PAICS: variants seen among roughly 807,000 people sequenced by gnomAD.
PAICS encodes bifunctional phosphoribosylaminoimidazole carboxylase/phosphoribosylaminoimidazole succinocarboxamide synthetase.
In PAICS, 33 loss-of-function variants were observed where a neutral mutation model predicts 53.7. That is an observed-to-expected ratio of 0.61 (90% CI 0.47 to 0.82). PAICS has a LOEUF of 0.82. Ranked by LOEUF, PAICS falls within the 40% of genes least tolerant of loss-of-function variation. The pLI is 0.00. For synonymous variants in PAICS, 141 were observed against 167.2 expected, an observed-to-expected ratio of 0.84 and a Z score of 1.21; for missense variants, 394 against 494.1, an observed-to-expected ratio of 0.80 and a Z score of 1.92.
At chr4:56,425,546 T>C in the PAICS span, 2 of 180,708 alleles carry the variant, frequency 1.1e-5, no homozygotes, top group African/African-American at 4.8e-5. Context: ...TTAATAAACT[T>C]TTAAGAAGCT....
chr4:56,446,238 T>C (rs1718609018), intron 2 of PAICS: 3 of 602,630 alleles, frequency 5.0e-6, no homozygotes, highest in African/African-American at 3.6e-5. Context: ...CATTATCCAT[T>C]TCCAGAACTT....
At chr4:56,413,973 T>A in the PAICS span, among the ~76,000 whole-genome samples, 1 of 152,228 alleles carries the variant, frequency 6.6e-6, no homozygotes. Context: ...ATATACAAAT[T>A]GGTAACTTTT....
intron 8 of PAICS, among the ~76,000 whole-genome samples, chr4:56,457,560 A>G (rs1169563176): frequency 6.6e-6 from 1 of 151,978 alleles, no homozygotes; most frequent in Non-Finnish European, 1.5e-5. Context: ...TTCCCTTCCA[A>G]AGGTATCTGG....
At chr4:56,420,463 T>G in the PAICS span, 1 of 152,222 alleles carries the variant, frequency 6.6e-6, no homozygotes, top group Non-Finnish European at 1.5e-5. Flanking sequence ...GAATATTATA[T>G]ATGTAAGTTA....
At chr4:56,444,758 T>A (rs7694047) in intron 2 of PAICS, among the ~76,000 whole-genome samples, 1 of 151,866 alleles carries the variant, frequency 6.6e-6, no homozygotes, top group African/African-American at 2.4e-5. Flanking sequence ...AGATGATTAC[T>A]GTAGCTTCAT....
intron 5 of PAICS, among the ~76,000 whole-genome samples, chr4:56,450,415 C>G (rs1447328193): frequency 2.6e-5 from 4 of 152,060 alleles, no homozygotes; most frequent in Non-Finnish European, 5.9e-5. Context: ...GTTGCTAGTA[C>G]AGAAAACACT....
At chr4:56,435,378 T>C, upstream of PAICS, 1 of 1,612,222 alleles carries the variant, frequency 6.2e-7, no homozygotes, top group Non-Finnish European at 8.5e-7. Flanking sequence ...AGTCCCAGAG[T>C]GATCACATGC....
upstream of PAICS, chr4:56,435,620 C>A: frequency 6.8e-7 from 1 of 1,477,700 alleles, no homozygotes; most frequent in Non-Finnish European, 9.1e-7. Context: ...GCTACTGCGG[C>A]GGCGCGCGCT....
At chr4:56,434,776 A>G (rs780562396), upstream of PAICS, among the ~76,000 whole-genome samples, 5 of 152,242 alleles carry the variant, frequency 3.3e-5, no homozygotes, top group Non-Finnish European at 7.3e-5. Context: ...GTCATTCTCA[A>G]CATCAACTAG....
At chr4:56,458,981 C>G (rs780332864) in intron 8 of PAICS, among the ~76,000 whole-genome samples, 1 of 152,168 alleles carries the variant, frequency 6.6e-6, no homozygotes, top group Non-Finnish European at 1.5e-5. Flanking sequence ...CAACATAGCT[C>G]AAGTTTGTCT....
Position 56,448,767 on chromosome 4 carries a change from A to G in PAICS, c.631A>G (p.Asn211Asp). The G allele has an allele frequency of 6.3e-7, 1 of 1,599,760 alleles. No individual in the cohort carries two copies. Among genetic ancestry groups the G allele is most frequent in the Non-Finnish European group, 8.5e-7 (1 of 1,172,062 alleles). Residue 211 changes from asparagine to aspartate, a missense_variant, in exon 5 of 9, where the codon AAT becomes GAT. Coordinates refer to ENST00000512576, the MANE Select transcript of PAICS (RefSeq NM_001079524.2). ...KEIVLADVID[N>D]DSWRLWPSGD... ...AATTGTTCTTGCTGATGTTATTGAC[A>G]ATGATTCCTGGAGACTCTGGCCATC... is the stretch of plus-strand genomic sequence containing the variant.
chr4:56,459,452 G>A lies in PAICS; in HGVS notation c.1192G>A (p.Val398Ile), dbSNP rs1454636962. Reference sequence around the variant, plus strand: ...GATATTTGGGTTAAGCAACCATTTGGTATGGAGCAAACTGCGAGCAAGCAT... The same window carrying A: ...GATATTTGGGTTAAGCAACCATTTGATATGGAGCAAACTGCGAGCAAGCAT... Reference protein sequence around the residue: ...AQIFGLSNHLVWSKLRASILN... With the variant: ...AQIFGLSNHLIWSKLRASILN... The change falls in exon 9 of 9, where the codon GTA becomes ATA. Residue 398 changes from valine to isoleucine, a missense_variant. Around this residue, in one of 3 missense-constraint regions of PAICS, gnomAD observed 95 missense variants for 89.3 expected, o/e 1.06. Coordinates refer to ENST00000512576, the MANE Select transcript of PAICS (RefSeq NM_001079524.2). 6 of 1,608,526 alleles carry A rather than the reference G, an allele frequency of 3.7e-6. No homozygotes were observed. Among genetic ancestry groups the A allele is most frequent in the East Asian group, 4.5e-5 (2 of 44,790 alleles).
At position 56,464,413 on chromosome 4, in the gene PAICS, G is replaced by GA. The variant is rs1211165149; in HGVS notation, c.*4879dup. On this transcript the variant is annotated 3_prime_UTR_variant, in exon 9 of 9. Transcript: ENST00000512576. Reference sequence around the variant, plus strand: ...AAAGTAGGAAGGACTCTGATCTCTAGAAAACAATTGTATACTGTGAATGAA... The same window carrying GA: ...AAAGTAGGAAGGACTCTGATCTCTAGAAAAACAATTGTATACTGTGAATGAA... 1 of 152,078 alleles carries GA rather than the reference G, an allele frequency of 6.6e-6. No individual in the cohort carries two copies. Among genetic ancestry groups the GA allele is most frequent in the East Asian group, 1.9e-4 (1 of 5,184 alleles). The allele number at this position is 152,078 out of a possible 1,614,324, so 9.4% of individuals were successfully genotyped here. A position where few individuals can be genotyped will look rare whatever the true frequency, so the allele number is the denominator to read the frequency against.
At chr4:56,422,317 G>C in the PAICS span, 1 of 151,828 alleles carries the variant, frequency 6.6e-6, no homozygotes, top group African/African-American at 2.4e-5. Flanking sequence ...CGATCCTGAA[G>C]TAAATTTAAA....
intron 8 of PAICS, among the ~76,000 whole-genome samples, chr4:56,453,999 C>T (rs1426364834): frequency 1.3e-5 from 2 of 152,138 alleles, no homozygotes; most frequent in Non-Finnish European, 2.9e-5. Flanking sequence ...AAATCATAAT[C>T]ATGATATTGT....
intron 1 of PAICS, among the ~76,000 whole-genome samples, chr4:56,441,132 C>G (rs1185872723): frequency 6.6e-6 from 1 of 152,132 alleles, no homozygotes; most frequent in Non-Finnish European, 1.5e-5. Context: ...AACTTGAAAT[C>G]AAGAAACTCA....
chr4:56,412,205 C>G, the PAICS span, among the ~76,000 whole-genome samples: 19 of 152,172 alleles, frequency 1.2e-4, no homozygotes, highest in East Asian at 3.1e-3. Context: ...CAAACTCCTT[C>G]GTTTTCACTC....
At chr4:56,450,250 G>C (rs931161517) in intron 5 of PAICS, among the ~76,000 whole-genome samples, 1 of 152,106 alleles carries the variant, frequency 6.6e-6, no homozygotes, top group Non-Finnish European at 1.5e-5. Context: ...ATGACAGGTT[G>C]ATGGGTGCAG....
upstream of PAICS, among the ~76,000 whole-genome samples, chr4:56,432,472 G>T (rs1717637863): frequency 6.9e-6 from 1 of 145,126 alleles, no homozygotes; most frequent in Non-Finnish European, 1.5e-5. Flanking sequence ...GTTGCAATGA[G>T]CCCAGATCAT....
Sources: allele counts gnomAD v4.1 joint callset (sites outside exome capture counted in the v4.1 genomes callset), GRCh38; gene constraint gnomAD v4.1.1; regional missense constraint gnomAD v4.1.1; transcripts MANE v1.5; gene names NCBI Gene and HGNC (gene_info 2026-07-23, HGNC 2026-07-21).